Variants in TNFAIP8 observed in about 807,000 individuals in gnomAD.
TNFAIP8 encodes the protein tumor necrosis factor alpha-induced protein 8.
Under a neutral mutation model 13.3 loss-of-function variants are expected in TNFAIP8, and 7 were observed. The observed-to-expected ratio is 0.52, with a 90% CI of 0.30 to 0.99. TNFAIP8 has a LOEUF of 0.99. Ranked by LOEUF, TNFAIP8 falls within the 50% of genes least tolerant of loss-of-function variation. The pLI, the probability that TNFAIP8 is intolerant of heterozygous loss-of-function variation, is 0.07. For missense variants in TNFAIP8, 258 were observed against 236.9 expected (o/e 1.09, Z -0.58); for synonymous variants, 94 against 87.6 (o/e 1.07, Z -0.41).
intron 1 of TNFAIP8, among the ~76,000 whole-genome samples, chr5:119,296,463 C>G (rs145340121): frequency 0.031 from 4,666 of 151,980 alleles, 190 homozygotes; most frequent in African/African-American, 0.093. Flanking sequence ...GGCTTTCATC[C>G]CAGGGATGAA....
chr5:119,335,436 T>A (rs1750522500), intron 1 of TNFAIP8, among the ~76,000 whole-genome samples: 1 of 152,196 alleles, frequency 6.6e-6, no homozygotes, highest in African/African-American at 2.4e-5. Flanking sequence ...CAGGAAGCAG[T>A]GCTTGGGAGG....
chr5:119,372,021 C>T (rs1055512970), intron 1 of TNFAIP8, among the ~76,000 whole-genome samples: 1 of 151,960 alleles, frequency 6.6e-6, no homozygotes, highest in African/African-American at 2.4e-5. Context: ...CCTACAGTCC[C>T]AGCTACTCAA....
intron 1 of TNFAIP8, among the ~76,000 whole-genome samples, chr5:119,366,458 G>A (rs1437393469): frequency 3.3e-5 from 5 of 152,156 alleles, no homozygotes; most frequent in Admixed American, 1.3e-4. Context: ...GGGGCCAGTC[G>A]GAAGCCAGGG....
chr5:119,298,111 C>A (rs989309401), intron 1 of TNFAIP8, among the ~76,000 whole-genome samples: 1 of 151,884 alleles, frequency 6.6e-6, no homozygotes, highest in East Asian at 1.9e-4. Context: ...TTTACATTTA[C>A]GATTAATATT....
At chr5:119,390,122 A>G (rs1222596329) in intron 1 of TNFAIP8, among the ~76,000 whole-genome samples, 1 of 152,248 alleles carries the variant, frequency 6.6e-6, no homozygotes, top group Non-Finnish European at 1.5e-5. Flanking sequence ...ATATTTCACA[A>G]CATAAAGTAT....
At chr5:119,292,320 A>G (rs1347137856) in intron 1 of TNFAIP8, among the ~76,000 whole-genome samples, 1 of 56,546 alleles carries the variant, frequency 1.8e-5, no homozygotes, top group East Asian at 2.1e-3. Context: ...AGAAAAGAAG[A>G]AAAAAAGAAG....
intron 1 of TNFAIP8, among the ~76,000 whole-genome samples, chr5:119,390,594 C>T (rs150124543): frequency 1.6e-3 from 239 of 152,212 alleles, no homozygotes; most frequent in Admixed American, 3.1e-3. Flanking sequence ...TATTTTAGTT[C>T]TTCTGCAGTT....
intron 1 of TNFAIP8, among the ~76,000 whole-genome samples, chr5:119,349,945 A>C (rs981705532): frequency 6.6e-6 from 1 of 152,244 alleles, no homozygotes; most frequent in Non-Finnish European, 1.5e-5. Flanking sequence ...GATATAGGAG[A>C]CAGGAGGCTT....
chr5:119,343,782 G>A (rs1016083806), intron 1 of TNFAIP8, among the ~76,000 whole-genome samples: 1 of 152,142 alleles, frequency 6.6e-6, no homozygotes, highest in Non-Finnish European at 1.5e-5. Flanking sequence ...GAGGAGTTGG[G>A]ACCTGAGTAT....
chr5:119,352,296 C>G (rs2112761267), upstream of TNFAIP8, among the ~76,000 whole-genome samples: 1 of 152,166 alleles, frequency 6.6e-6, no homozygotes, highest in South Asian at 2.1e-4. Flanking sequence ...GGAGTGACAG[C>G]CAACTTTTTA....
At chr5:119,296,722 T>C (rs1234446195) in intron 1 of TNFAIP8, among the ~76,000 whole-genome samples, 7 of 152,192 alleles carry the variant, frequency 4.6e-5, no homozygotes, top group Non-Finnish European at 8.8e-5. Flanking sequence ...TCCTTGTACC[T>C]CTGGTAGAAT....
intron 1 of TNFAIP8, among the ~76,000 whole-genome samples, chr5:119,372,822 A>G (rs549272926): frequency 9.9e-5 from 15 of 152,188 alleles, no homozygotes; most frequent in African/African-American, 2.6e-4. Context: ...TTAGCCAGGC[A>G]TGGTGGCGCA....
intron 1 of TNFAIP8, among the ~76,000 whole-genome samples, chr5:119,306,073 C>T (rs1366068009): frequency 6.6e-6 from 1 of 152,214 alleles, no homozygotes; most frequent in Non-Finnish European, 1.5e-5. Flanking sequence ...TTCACACCTC[C>T]ATCCTTCCAG....
intron 1 of TNFAIP8, among the ~76,000 whole-genome samples, chr5:119,287,280 G>GTTTTTTTTTTTTTTTT (rs58452491): frequency 9.2e-6 from 1 of 109,234 alleles, no homozygotes; most frequent in Non-Finnish European, 1.8e-5. Flanking sequence ...CAGTAACCAA[G>GTTTTTTTTTTTTTTTT]TTTTTTTTTT....
upstream of TNFAIP8, chr5:119,355,455 C>G: frequency 1.5e-6 from 1 of 675,068 alleles, no homozygotes; most frequent in Non-Finnish European, 2.7e-6. Flanking sequence ...TGAAATTGTG[C>G]TCTCTTAAGC....
At position 119,276,485 on chromosome 5, in the gene TNFAIP8, T is replaced by G. The variant is rs181493948; in HGVS notation, c.1+7578T>G. Among the ~76,000 whole-genome samples the G allele has an allele frequency of 1.7e-3, 257 of 152,306 alleles. 1 individual carries two copies. Among genetic ancestry groups the G allele is most frequent in the Admixed American group, 3.5e-3 (54 of 15,302 alleles). ...TGTTCTATATAAGTGTATTAGTTTT[T>G]AAGGGCTGCCATAACAAAATACCAC... On this transcript the variant is annotated intron_variant, in intron 1 of 1. Coordinates refer to the TNFAIP8 transcript ENST00000274456.
chr5:119,310,017 G>A (rs1749681986), intron 1 of TNFAIP8, among the ~76,000 whole-genome samples: 1 of 152,224 alleles, frequency 6.6e-6, no homozygotes, highest in South Asian at 2.1e-4. Context: ...CTGGCACATT[G>A]TCACTTAGTA....
chr5:119,397,785 GT>G lies in TNFAIP8; in HGVS notation c.*4408del, dbSNP rs1253196645. On this transcript the variant is annotated 3_prime_UTR_variant, in exon 2 of 2. Coordinates refer to ENST00000504771, the MANE Select transcript of TNFAIP8 (RefSeq NM_014350.4). ...CATCACCACGAAGTATTGAAAATCTGTTTTCTCTTTTACTAAGTGTCTGCAC... is the reference window on the plus strand; with the variant it reads ...CATCACCACGAAGTATTGAAAATCTGTTTCTCTTTTACTAAGTGTCTGCAC... 11 of 152,310 alleles carry G rather than the reference GT, an allele frequency of 7.2e-5. No homozygotes were observed. Among genetic ancestry groups the G allele is most frequent in the Middle Eastern group, 6.8e-3 (2 of 294 alleles). 9.4% of individuals were successfully genotyped at this position (152,310 alleles called of 1,614,324 possible). A position where few individuals can be genotyped will look rare whatever the true frequency, so the allele number is the denominator to read the frequency against.
intron 1 of TNFAIP8, among the ~76,000 whole-genome samples, chr5:119,313,246 A>G (rs1481320674): frequency 6.6e-6 from 1 of 152,250 alleles, no homozygotes; most frequent in Non-Finnish European, 1.5e-5. Flanking sequence ...TAACAGCTCC[A>G]AAGAAAATTC....
Sources: gnomAD v4.1 joint callset for allele counts (sites outside exome capture counted in the v4.1 genomes callset) on GRCh38, gnomAD v4.1.1 for gene constraint, MANE v1.5 for transcripts, NCBI Gene and HGNC (gene_info 2026-07-23, HGNC 2026-07-21) for gene names.